SLC16A14: variants seen among roughly 807,000 people sequenced by gnomAD.
SLC16A14 encodes the protein monocarboxylate transporter 14.
A neutral mutation model predicts 35.8 loss-of-function variants in SLC16A14; 14 were observed. The observed-to-expected ratio is 0.39, with a 90% CI of 0.26 to 0.61. The LOEUF is 0.61. SLC16A14 is among the 20% of genes least tolerant of loss of function. The probability of loss-of-function intolerance (pLI) is 0.51; values close to 1 mark genes in which losing one functional copy is unlikely to be tolerated. For missense variants in SLC16A14, 533 were observed against 655.0 expected, an observed-to-expected ratio of 0.81 and a Z score of 2.03; for synonymous variants, 248 against 258.9, an observed-to-expected ratio of 0.96 and a Z score of 0.40.
chr2:230,068,128 G>A lies in SLC16A14; in HGVS notation c.-15+427C>T, dbSNP rs1213138155. 1 of 152,562 alleles carries A rather than the reference G, an allele frequency of 6.6e-6. No individual in the cohort carries two copies. Among genetic ancestry groups the A allele is most frequent in the African/African-American group, 2.4e-5 (1 of 41,484 alleles). 9.5% of individuals were successfully genotyped at this position (152,562 alleles called of 1,614,324 possible). A position where few individuals can be genotyped will look rare whatever the true frequency, so the allele number is the denominator to read the frequency against. On this transcript the variant is annotated intron_variant, in intron 1 of 4. Coordinates refer to ENST00000295190, the MANE Select transcript of SLC16A14 (RefSeq NM_152527.5). The surrounding 1 kb of genome is among the most constrained non-coding windows in gnomAD (Gnocchi z 5.1). ...CGCAGCCCCGGGTCCCCCGCTCTGC[G>A]CCTCATCACTGTCCAGTTCGAGTCC...
intron 4 of SLC16A14, among the ~76,000 whole-genome samples, chr2:230,040,168 A>T (rs888162360): frequency 2.0e-5 from 3 of 152,108 alleles, no homozygotes; most frequent in Non-Finnish European, 4.4e-5. Context: ...AATATAAAAA[A>T]TGTCTGTTAA....
At position 230,068,862 on chromosome 2, in the gene SLC16A14, C is replaced by G. The variant is rs2077827094; in HGVS notation, c.-322G>C. 3 of 152,482 alleles carry G rather than the reference C, an allele frequency of 2.0e-5. No homozygotes were observed. The highest frequency in any genetic ancestry group is 1.9e-4 in the East Asian group (1 of 5,186). The allele number at this position is 152,482 out of a possible 1,614,324, so 9.4% of individuals were successfully genotyped here. On this transcript the variant is annotated 5_prime_UTR_variant, in exon 1 of 5. Coordinates refer to ENST00000295190, the MANE Select transcript of SLC16A14 (RefSeq NM_152527.5). The surrounding 1 kb of genome is among the most constrained non-coding windows in gnomAD (Gnocchi z 5.1). ...TGGAGGTGCCCAAACCTAACCTGGG[C>G]TTCCTTCCAATCGGAGCAATTTCAA...
At chr2:230,048,943 A>AAAAAAAAAG (rs562094733) in intron 3 of SLC16A14, among the ~76,000 whole-genome samples, 1 of 107,308 alleles carries the variant, frequency 9.3e-6, no homozygotes, top group African/African-American at 3.6e-5. Context: ...AAAAAAAAAA[A>AAAAAAAAAG]AACAAATGAT....
chr2:230,053,280 A>T (rs2077677331), intron 2 of SLC16A14, among the ~76,000 whole-genome samples: 1 of 152,122 alleles, frequency 6.6e-6, no homozygotes, highest in Non-Finnish European at 1.5e-5. Flanking sequence ...GTCCACTAGC[A>T]TTGCCAAAAT....
chr2:230,052,914 C>T (rs193250720), intron 2 of SLC16A14, among the ~76,000 whole-genome samples: 2 of 149,510 alleles, frequency 1.3e-5, no homozygotes, highest in East Asian at 1.9e-4. Context: ...CTCCTCCCCC[C>T]CTTCCTTCCC....
chr2:230,045,516 C>A, intron 4 of SLC16A14: 1 of 514,920 alleles, frequency 1.9e-6, no homozygotes, highest in Non-Finnish European at 3.5e-6. Flanking sequence ...GCTGAGAGCG[C>A]ACCACTGCAC....
rs554337390 is a variant in SLC16A14, at chr2:230,059,223, G to A, written c.130C>T (p.His44Tyr). ...ATCTGGGAGCCCATGATGAGGATGT[G>A]CACAAAGAAAGAGGAGAGCACCATC... ...WMMVLSSFFVHILIMGSQMAL... is the reference protein window; with the variant it reads ...WMMVLSSFFVYILIMGSQMAL... Residue 44 changes from histidine (H) to tyrosine (Y), a missense_variant, in exon 2 of 5, where the codon CAC becomes TAC. His to Tyr is a moderately conservative substitution (Grantham distance 83). Transcript: ENST00000295190. The A allele has an allele frequency of 6.2e-7, 1 of 1,614,198 alleles. No homozygotes were observed. The highest frequency in any genetic ancestry group is 2.2e-5 in the East Asian group (1 of 44,878).
intron 1 of SLC16A14, among the ~76,000 whole-genome samples, chr2:230,059,788 C>T (rs914030954): frequency 1.3e-5 from 2 of 152,160 alleles, no homozygotes; most frequent in Non-Finnish European, 2.9e-5. Context: ...CTTCAGGCAG[C>T]CTTTCAGTGT....
At chr2:230,062,045 A>G (rs1171988763) in intron 1 of SLC16A14, among the ~76,000 whole-genome samples, 2 of 152,162 alleles carry the variant, frequency 1.3e-5, no homozygotes, top group Non-Finnish European at 2.9e-5. Context: ...CCGGCTCACT[A>G]TCTTTAAAAT....
Position 230,036,150 on chromosome 2 carries a change from A to G in SLC16A14, c.*1230T>C, listed in dbSNP as rs1190437012. On this transcript the variant is annotated 3_prime_UTR_variant, in exon 5 of 5. Coordinates refer to ENST00000295190, the MANE Select transcript of SLC16A14 (RefSeq NM_152527.5). Reference sequence around the variant, plus strand: ...ACAAGTAAGGCAGCCAGAAATTTCAAATGATCTGGGAAGAACATTCTGCAG... The same window carrying G: ...ACAAGTAAGGCAGCCAGAAATTTCAGATGATCTGGGAAGAACATTCTGCAG... 6.6e-6 allele frequency: 1 copy of G among 152,666 alleles called. No homozygotes were observed. The highest frequency in any genetic ancestry group is 1.5e-5 in the Non-Finnish European group (1 of 68,028). 9.5% of individuals were successfully genotyped at this position (152,666 alleles called of 1,614,324 possible).
At chr2:230,050,311 A>G (rs2077649375) in intron 2 of SLC16A14, among the ~76,000 whole-genome samples, 1 of 152,246 alleles carries the variant, frequency 6.6e-6, no homozygotes, top group East Asian at 1.9e-4. Context: ...ACCTTCCCAC[A>G]GGACCAAAGT....
rs900952510 is a variant in SLC16A14, at chr2:230,035,987, G to A, written c.*1393C>T. The A allele has an allele frequency of 6.6e-6, 1 of 152,654 alleles. No homozygotes were observed. The highest frequency in any genetic ancestry group is 1.5e-5 in the Non-Finnish European group (1 of 68,038). 9.5% of individuals were successfully genotyped at this position (152,654 alleles called of 1,614,324 possible). On this transcript the variant is annotated 3_prime_UTR_variant, in exon 5 of 5. Coordinates refer to ENST00000295190, the MANE Select transcript of SLC16A14 (RefSeq NM_152527.5). ...CCTAGTAGCATTCCTGCGTCTAATT[G>A]TGAAGGATAATTGAGAATGGGCTGT...
Position 230,049,359 on chromosome 2 carries a change from C to T in SLC16A14, c.403+402G>A, listed in dbSNP as rs113359720. 6.9e-3 allele frequency among the ~76,000 whole-genome samples: 1,052 copies of T among 151,948 alleles called. 9 individuals carry two copies. Among genetic ancestry groups the T allele is most frequent in the African/African-American group, 0.024 (986 of 41,428 alleles). ...CCTTCCAAAGTGTTGGGATTACAGG[C>T]GTGAGCTACTGCCCCTGGCCTATTA... On this transcript the variant is annotated intron_variant, in intron 3 of 4. Coordinates refer to ENST00000295190, the MANE Select transcript of SLC16A14 (RefSeq NM_152527.5).
intron 4 of SLC16A14, among the ~76,000 whole-genome samples, chr2:230,041,472 C>T (rs2077559807): frequency 6.6e-6 from 1 of 152,110 alleles, no homozygotes; most frequent in South Asian, 2.1e-4. Context: ...CTCAGCCTCT[C>T]AAGTAGCTGG....
At chr2:230,048,943 A>AAAG (rs562094733) in intron 3 of SLC16A14, among the ~76,000 whole-genome samples, 61,585 of 106,948 alleles carry the variant, frequency 0.58, 21,090 homozygotes, top group East Asian at 0.66. Flanking sequence ...AAAAAAAAAA[A>AAAG]AACAAATGAT....
chr2:230,044,625 GA>G (rs1442950307), intron 4 of SLC16A14, among the ~76,000 whole-genome samples: 1 of 151,904 alleles, frequency 6.6e-6, no homozygotes. Flanking sequence ...AAAAGACAAG[GA>G]AACAAATTCC....
At chr2:230,065,775 G>A (rs892467749) in intron 1 of SLC16A14, among the ~76,000 whole-genome samples, 1 of 151,854 alleles carries the variant, frequency 6.6e-6, no homozygotes, top group Admixed American at 6.6e-5. Flanking sequence ...TTATATACAT[G>A]TATAATTATA....
At position 230,038,100 on chromosome 2, in the gene SLC16A14, C is replaced by A. The variant is rs1401175955; in HGVS notation, c.1382-569G>T. On this transcript the variant is annotated intron_variant, in intron 4 of 4. Coordinates refer to ENST00000295190, the MANE Select transcript of SLC16A14 (RefSeq NM_152527.5). This position sits in a 1 kb window ranked among gnomAD's most constrained non-coding sequence, Gnocchi z 4.4. ...GTGTTATAAAATTCACATTTACAGT[C>A]ACAAAACTTTAATATTTACATTTAT... Among the ~76,000 whole-genome samples, 1 of 152,142 alleles carries A rather than the reference C, an allele frequency of 6.6e-6. No homozygotes were observed. Among genetic ancestry groups the A allele is most frequent in the Non-Finnish European group, 1.5e-5 (1 of 68,024 alleles).
chr2:230,067,224 G>GGAGCT, intron 1 of SLC16A14: 2 of 154,322 alleles, frequency 1.3e-5, no homozygotes, highest in Non-Finnish European at 2.9e-5. Context: ...GCTGGGGAGC[G>GGAGCT]GAGCTGAGCT....
Sources: allele counts gnomAD v4.1 joint callset (sites outside exome capture counted in the v4.1 genomes callset), GRCh38; gene constraint gnomAD v4.1.1; non-coding constraint Gnocchi (gnomAD v3.1); transcripts MANE v1.5; gene names NCBI Gene and HGNC (gene_info 2026-07-23, HGNC 2026-07-21).